The following CCSER1 variants were observed in gnomAD, a reference collection of about 807,000 sequenced individuals.
The protein encoded by CCSER1 is coiled-coil serine rich protein 1, also known as serine-rich coiled-coil domain-containing protein 1.
A neutral mutation model predicts 82.0 loss-of-function variants in CCSER1; 41 were observed. That is an observed-to-expected ratio of 0.50 (90% CI 0.39 to 0.65). The LOEUF (loss-of-function observed/expected upper bound fraction) is 0.65. Among genes scored for constraint, CCSER1 ranks in the 30% least tolerant of loss-of-function variants. The pLI is 0.00. For synonymous variants in CCSER1, 414 were observed against 383.9 expected, an observed-to-expected ratio of 1.08 and a Z score of -0.92; for missense variants, 1,119 against 1,064.2, an observed-to-expected ratio of 1.05 and a Z score of -0.72.
chr4:91,171,575 T>A (rs1200477227), intron 10 of CCSER1, among the ~76,000 whole-genome samples: 2 of 152,162 alleles, frequency 1.3e-5, no homozygotes, highest in Non-Finnish European at 2.9e-5. Context: ...ATCCTGCAAT[T>A]TCCATTTCCA....
intron 8 of CCSER1, among the ~76,000 whole-genome samples, chr4:90,916,393 G>T (rs1727426169): frequency 6.6e-6 from 1 of 152,084 alleles, no homozygotes; most frequent in South Asian, 2.1e-4. Flanking sequence ...TGACAAACCT[G>T]ACAAAAACAA....
chr4:91,254,220 G>A (rs776568365), intron 10 of CCSER1, among the ~76,000 whole-genome samples: 12 of 152,120 alleles, frequency 7.9e-5, no homozygotes, highest in South Asian at 4.1e-4. Flanking sequence ...TCTAACAGAC[G>A]TATACACAGA....
At chr4:90,854,477 A>G (rs1024821864) in intron 8 of CCSER1, among the ~76,000 whole-genome samples, 2 of 152,066 alleles carry the variant, frequency 1.3e-5, no homozygotes, top group Non-Finnish European at 2.9e-5. Context: ...TTGCATTGCT[A>G]TTTTATTTTA....
At chr4:91,535,335 G>C (rs933779249) in intron 10 of CCSER1, among the ~76,000 whole-genome samples, 5 of 151,888 alleles carry the variant, frequency 3.3e-5, no homozygotes, top group African/African-American at 1.2e-4. Flanking sequence ...GTAATATTTT[G>C]AGAGTTTCCT....
chr4:90,390,139 G>T (rs968417528), intron 3 of CCSER1, among the ~76,000 whole-genome samples: 1 of 152,182 alleles, frequency 6.6e-6, no homozygotes, highest in African/African-American at 2.4e-5. Flanking sequence ...GCTAAAGTCT[G>T]CAGGAATCAA....
chr4:91,571,804 T>C (rs1763198836), intron 10 of CCSER1, among the ~76,000 whole-genome samples: 1 of 151,904 alleles, frequency 6.6e-6, no homozygotes, highest in African/African-American at 2.4e-5. Flanking sequence ...GGAGGGTCTG[T>C]GTTGTGGGCC....
At chr4:90,662,441 C>G (rs1256907004) in intron 6 of CCSER1, among the ~76,000 whole-genome samples, 2 of 151,948 alleles carry the variant, frequency 1.3e-5, no homozygotes, top group Non-Finnish European at 2.9e-5. Flanking sequence ...TTTTCTGCAT[C>G]TTTTTTTACT....
intron 9 of CCSER1, among the ~76,000 whole-genome samples, chr4:91,083,882 A>G (rs558691004): frequency 2.0e-5 from 3 of 152,272 alleles, no homozygotes; most frequent in South Asian, 2.1e-4. Context: ...GTCATTTAAT[A>G]TATAATTTGA....
chr4:90,618,624 A>G (rs898246841), intron 5 of CCSER1, among the ~76,000 whole-genome samples: 7 of 151,914 alleles, frequency 4.6e-5, no homozygotes, highest in Non-Finnish European at 8.8e-5. Flanking sequence ...CATGATATGG[A>G]TGTGAAGTAA....
chr4:91,564,728 T>G (rs1313023691), intron 10 of CCSER1, among the ~76,000 whole-genome samples: 1 of 151,786 alleles, frequency 6.6e-6, no homozygotes, highest in African/African-American at 2.4e-5. Context: ...TTTTTAATGC[T>G]ATTGTTTCTC....
At chr4:90,169,759 A>G (rs1381629377) in intron 1 of CCSER1, among the ~76,000 whole-genome samples, 1 of 151,902 alleles carries the variant, frequency 6.6e-6, no homozygotes, top group Admixed American at 6.6e-5. Context: ...CTTGTTCCTC[A>G]TTAGTTAGCC....
intron 3 of CCSER1, among the ~76,000 whole-genome samples, chr4:90,318,941 AT>A (rs1266667128): frequency 6.6e-6 from 1 of 152,182 alleles, no homozygotes; most frequent in Non-Finnish European, 1.5e-5. Context: ...AGATTTAACC[AT>A]TTTGACCATC....
At chr4:90,750,189 T>C (rs898333829) in intron 7 of CCSER1, among the ~76,000 whole-genome samples, 5 of 152,156 alleles carry the variant, frequency 3.3e-5, no homozygotes, top group Admixed American at 3.3e-4. Context: ...ATTCTGGATA[T>C]TAGCCCTTTG....
chr4:90,806,351 C>G (rs192381963), intron 7 of CCSER1, among the ~76,000 whole-genome samples: 8 of 152,254 alleles, frequency 5.3e-5, no homozygotes, highest in African/African-American at 1.9e-4. Context: ...GGAATAAAAT[C>G]TGAGAATTTT....
chr4:91,173,104 G>A (rs1732937936), intron 10 of CCSER1, among the ~76,000 whole-genome samples: 1 of 152,086 alleles, frequency 6.6e-6, no homozygotes, highest in African/African-American at 2.4e-5. Context: ...AAATGTTTAT[G>A]GAATCAACAT....
chr4:91,171,437 G>A (rs1287147012), intron 10 of CCSER1, among the ~76,000 whole-genome samples: 3 of 152,236 alleles, frequency 2.0e-5, no homozygotes, highest in African/African-American at 4.8e-5. Flanking sequence ...CTGAAACTTG[G>A]CTGAGTCACA....
At chr4:90,785,396 C>T (rs916290106) in intron 7 of CCSER1, among the ~76,000 whole-genome samples, 1 of 152,124 alleles carries the variant, frequency 6.6e-6, no homozygotes, top group Non-Finnish European at 1.5e-5. Context: ...AATCCTGTGA[C>T]TTGACTGGCT....
chr4:91,573,254 T>G (rs1763280131), intron 10 of CCSER1, among the ~76,000 whole-genome samples: 1 of 152,148 alleles, frequency 6.6e-6, no homozygotes, highest in Non-Finnish European at 1.5e-5. Context: ...AGCTCTTTCT[T>G]AGGGAGATAC....
intron 10 of CCSER1, among the ~76,000 whole-genome samples, chr4:91,159,787 A>G (rs528778643): frequency 6.6e-6 from 1 of 152,118 alleles, no homozygotes; most frequent in Non-Finnish European, 1.5e-5. Context: ...ACAAAAACAT[A>G]ATTTTAAATA....
Sources: allele counts gnomAD v4.1 joint callset (sites outside exome capture counted in the v4.1 genomes callset), GRCh38; gene constraint gnomAD v4.1.1; transcripts MANE v1.5; gene names NCBI Gene and HGNC (gene_info 2026-07-23, HGNC 2026-07-21).